The following FMN2 variants were observed in gnomAD, a reference collection of about 807,000 sequenced individuals.
The protein encoded by FMN2 is formin 2, also known as formin-2.
FMN2 carries 51 observed loss-of-function variants against 142.3 expected under a neutral mutation model. The ratio of observed to expected loss-of-function variants is 0.36; its 90% CI spans 0.29 to 0.45. The LOEUF is 0.45. Among genes scored for constraint, FMN2 ranks in the 20% least tolerant of loss-of-function variants. FMN2 has a pLI of 1.00. For missense variants in FMN2, 1,936 were observed against 2,122.8 expected (o/e 0.91, Z 1.73); for synonymous variants, 882 against 869.8 (o/e 1.01, Z -0.25).
In FMN2 at chr1:240,239,278, G is replaced by T. The variant is rs149788325; in HGVS notation, c.4066-18667G>T. 3.5e-3 allele frequency among the ~76,000 whole-genome samples: 538 copies of T among 152,282 alleles called. 6 individuals are homozygous for T. Among genetic ancestry groups the T allele is most frequent in the African/African-American group, 0.012 (486 of 41,566 alleles). Reference sequence around the variant, plus strand: ...GCTATTGTTGGACGAGGATGTGATAGAATTGTTTGACACAATATGATAAAT... The same window carrying T: ...GCTATTGTTGGACGAGGATGTGATATAATTGTTTGACACAATATGATAAAT... On this transcript the variant is annotated intron_variant, in intron 6 of 17. Transcript: ENST00000319653.
At chr1:240,195,865 A>G (rs917543525) in intron 4 of FMN2, among the ~76,000 whole-genome samples, 1 of 151,772 alleles carries the variant, frequency 6.6e-6, no homozygotes, top group Non-Finnish European at 1.5e-5. Flanking sequence ...CAATAATAAT[A>G]AAAAAAACAG....
chr1:240,159,763 A>G (rs1427833241), intron 2 of FMN2, among the ~76,000 whole-genome samples: 2 of 151,754 alleles, frequency 1.3e-5, no homozygotes, highest in African/African-American at 4.8e-5. Flanking sequence ...ATGCTCACTG[A>G]GAGGGTTTGA....
At chr1:240,322,821 C>T (rs1248784047) in intron 8 of FMN2, among the ~76,000 whole-genome samples, 1 of 152,058 alleles carries the variant, frequency 6.6e-6, no homozygotes, top group East Asian at 1.9e-4. Context: ...GAACTGTGGT[C>T]CCCTTGGTGT....
chr1:240,381,423 A>T (rs1042929835), intron 14 of FMN2, among the ~76,000 whole-genome samples: 17 of 152,080 alleles, frequency 1.1e-4, no homozygotes, highest in African/African-American at 3.9e-4. Flanking sequence ...TTAAAAAACC[A>T]TATGATCATC....
chr1:240,227,493 T>C lies in FMN2; in HGVS notation c.4065+16258T>C, dbSNP rs57633172. Among the ~76,000 whole-genome samples the C allele has an allele frequency of 2.8e-3, 425 of 152,232 alleles. 3 individuals are homozygous for C. The highest frequency in any genetic ancestry group is 9.8e-3 in the African/African-American group (407 of 41,562). On this transcript the variant is annotated intron_variant, in intron 6 of 17. Coordinates refer to ENST00000319653, the MANE Select transcript of FMN2 (RefSeq NM_020066.5). ...ACGTGAAAAATGAAGGATCTCAGAA[T>C]AGCCAAAACAATCTAGCAAAAGAAC...
At chr1:240,322,643 G>A (rs912883207) in intron 8 of FMN2, among the ~76,000 whole-genome samples, 1 of 152,126 alleles carries the variant, frequency 6.6e-6, no homozygotes, top group African/African-American at 2.4e-5. Context: ...CTTTCCTCAA[G>A]AAACAGTTCC....
At chr1:240,370,915 A>C (rs1322011192) in intron 14 of FMN2, among the ~76,000 whole-genome samples, 1 of 152,142 alleles carries the variant, frequency 6.6e-6, no homozygotes, top group Non-Finnish European at 1.5e-5. Flanking sequence ...TATATTTTAA[A>C]CTATGTAAAA....
At position 240,180,142 on chromosome 1, in the gene FMN2, C is replaced by T. The variant is rs6700420; in HGVS notation, c.1930+2074C>T. The T allele has an allele frequency of 4.6e-4, 582 of 1,268,498 alleles. 5 individuals are homozygous for T. In the African/African-American group the frequency reaches 7.8e-3, roughly 17 times the overall value. 78.6% of individuals were successfully genotyped at this position (1,268,498 alleles called of 1,614,324 possible). ...AGTGATTTTTAATGAAATAACTTGT[C>T]TCCTTTTTAAAAATGCATTCTTGAA... is the stretch of plus-strand genomic sequence containing the variant. On this transcript the variant is annotated intron_variant, in intron 3 of 17. Transcript: ENST00000319653.
chr1:240,224,709 C>T (rs1221918064), intron 6 of FMN2, among the ~76,000 whole-genome samples: 2 of 152,118 alleles, frequency 1.3e-5, no homozygotes, highest in Admixed American at 6.5e-5. Context: ...CACAGAAAGC[C>T]AATCACTGAG....
rs563546223 is a variant in FMN2 at position 240,207,157 on chromosome 1, G to T, written c.2345G>T (p.Cys782Phe). The T allele has an allele frequency of 6.2e-7, 1 of 1,614,062 alleles. No homozygotes were observed. The highest frequency in any genetic ancestry group is 1.1e-5 in the South Asian group (1 of 91,090). Residue 782 changes from cysteine to phenylalanine, a missense_variant, in exon 5 of 18, where the codon TGT becomes TTT. Physicochemically the swap from Cys to Phe is radical, Grantham distance 205. Coordinates refer to ENST00000319653, the MANE Select transcript of FMN2 (RefSeq NM_020066.5). ...GAAAGTGGACCTCAGACAAAGTTCT[G>T]TTCAGAGATTTCTTTGATTGTGTCT... is the stretch of plus-strand genomic sequence containing the variant. ...GAESGPQTKF[C>F]SEISLIVSPR...
intron 13 of FMN2, among the ~76,000 whole-genome samples, chr1:240,349,462 T>C: frequency 6.6e-6 from 1 of 151,986 alleles, no homozygotes; most frequent in East Asian, 1.9e-4. Context: ...ATTGAACTTG[T>C]AGACTTGTAT....
chr1:240,428,982 CTT>C (rs1180686994), intron 15 of FMN2, among the ~76,000 whole-genome samples: 1 of 152,022 alleles, frequency 6.6e-6, no homozygotes, highest in African/African-American at 2.4e-5. Context: ...TCTCTTAAAT[CTT>C]TTTTTAAAAT....
chr1:240,465,856 G>A (rs1230190399), intron 16 of FMN2, among the ~76,000 whole-genome samples: 1 of 152,206 alleles, frequency 6.6e-6, no homozygotes, highest in Non-Finnish European at 1.5e-5. Context: ...CTGCAGGGAT[G>A]TCTGGTTTCT....
At chr1:240,204,751 CA>C (rs545441611) in intron 4 of FMN2, among the ~76,000 whole-genome samples, 6 of 145,858 alleles carry the variant, frequency 4.1e-5, no homozygotes, top group African/African-American at 7.5e-5. Flanking sequence ...AACTCCGTCG[CA>C]AAAAAAAAAG....
intron 8 of FMN2, 39 bp downstream of exon 8, chr1:240,294,922 A>C: frequency 6.4e-7 from 1 of 1,553,164 alleles, no homozygotes. Context: ...AGTATATAAT[A>C]TGTACACAGT....
rs555737349 is a variant in FMN2 at position 240,383,687 on chromosome 1, C to A, written c.4859-8824C>A. On this transcript the variant is annotated intron_variant, in intron 14 of 17. Coordinates refer to ENST00000319653, the MANE Select transcript of FMN2 (RefSeq NM_020066.5). ...TACAAAAAACAGTTTGGGGATTCCT[C>A]AAAGAACTAAAAGGAGAACTACCAT... Among the ~76,000 whole-genome samples, 3 of 152,108 alleles carry A rather than the reference C, an allele frequency of 2.0e-5. No homozygotes were observed. In the East Asian group the frequency reaches 5.8e-4, roughly 29 times the overall value.
intron 15 of FMN2, among the ~76,000 whole-genome samples, chr1:240,424,613 C>T (rs74151668): frequency 0.056 from 8,483 of 152,192 alleles, 729 homozygotes; most frequent in African/African-American, 0.19. Context: ...TTCTGGCTGC[C>T]ACACTGATAA....
chr1:240,121,637 C>G (rs151169087), intron 1 of FMN2, among the ~76,000 whole-genome samples: 11,190 of 149,940 alleles, frequency 0.075, 524 homozygotes, highest in South Asian at 0.16. Context: ...GATCCGCCAG[C>G]CTCGGCCTCC....
At chr1:240,354,232 A>G (rs1672193366) in intron 13 of FMN2, among the ~76,000 whole-genome samples, 4 of 152,270 alleles carry the variant, frequency 2.6e-5, no homozygotes, top group Admixed American at 2.6e-4. Context: ...CAGTAGCCTC[A>G]GTAGGAAAAA....
Sources: gnomAD v4.1 joint callset for allele counts (sites outside exome capture counted in the v4.1 genomes callset) on GRCh38, gnomAD v4.1.1 for gene constraint, MANE v1.5 for transcripts, NCBI Gene and HGNC (gene_info 2026-07-23, HGNC 2026-07-21) for gene names.